OR6N2: variants seen among roughly 807,000 people sequenced by gnomAD.
OR6N2 encodes the protein olfactory receptor 6N2.
For synonymous variants in OR6N2, 160 were observed against 138.3 expected, an observed-to-expected ratio of 1.16 and a Z score of -1.10; for missense variants, 399 against 379.7, an observed-to-expected ratio of 1.05 and a Z score of -0.42.
In OR6N2 at chr1:158,776,640, T is replaced by G; in HGVS notation, c.*42A>C. 8.2e-7 allele frequency: 1 copy of G among 1,213,228 alleles called. No individual in the cohort carries two copies. Among genetic ancestry groups the G allele is most frequent in the South Asian group, 1.5e-5 (1 of 68,692 alleles). The allele number at this position is 1,213,228 out of a possible 1,614,324, so 75.2% of individuals were successfully genotyped here. A position where few individuals can be genotyped will look rare whatever the true frequency, so the allele number is the denominator to read the frequency against. ...ATGGGAAGATTACTCAAGGAACTTT[T>G]ATGAATTGAACATTGAGGTGAGAAA... On this transcript the variant is annotated 3_prime_UTR_variant, in exon 2 of 2. Coordinates refer to ENST00000641131, the MANE Select transcript of OR6N2 (RefSeq NM_001005278.2).
chr1:158,777,348 T>C lies in OR6N2; in HGVS notation c.288A>G (p.Gly96=). 1.2e-6 allele frequency: 2 copies of C among 1,614,208 alleles called. No individual in the cohort carries two copies. Among genetic ancestry groups the C allele is most frequent in the Non-Finnish European group, 8.5e-7 (1 of 1,180,034 alleles). The change falls in exon 2 of 2, where the codon GGA becomes GGG. Residue 96 remains glycine, a synonymous_variant. Transcript: ENST00000641131. ...GGAAGAAGTAGGTCTGAAGGAGGCA[T>C]CCTGCAAAAGAAATGGTTTTCTTCT... is the stretch of plus-strand genomic sequence containing the variant. The part of the protein sequence containing the change: ...LSEKKTISFA[G]CLLQTYFFHS...
chr1:158,776,629 C>A lies in OR6N2; in HGVS notation c.*53G>T. On this transcript the variant is annotated 3_prime_UTR_variant, in exon 2 of 2. Coordinates refer to ENST00000641131, the MANE Select transcript of OR6N2 (RefSeq NM_001005278.2). ...CATGTGTGATGATGGGAAGATTACT[C>A]AAGGAACTTTTATGAATTGAACATT... is the stretch of plus-strand genomic sequence containing the variant. The A allele has an allele frequency of 9.4e-7, 1 of 1,062,854 alleles. No homozygotes were observed. The highest frequency in any genetic ancestry group is 1.6e-5 in the South Asian group (1 of 63,222). 65.8% of individuals were successfully genotyped at this position (1,062,854 alleles called of 1,614,324 possible).
At chr1:158,778,213 G>A (rs138617536) in intron 1 of OR6N2, among the ~76,000 whole-genome samples, 3 of 152,302 alleles carry the variant, frequency 2.0e-5, no homozygotes, top group Non-Finnish European at 4.4e-5. Flanking sequence ...ACAAAATTCA[G>A]CAAGGTACAA....
intron 1 of OR6N2, among the ~76,000 whole-genome samples, 199 bp downstream of exon 1, chr1:158,780,971 T>C (rs971684751): frequency 6.6e-5 from 10 of 152,240 alleles, no homozygotes; most frequent in Admixed American, 6.5e-4. Context: ...GTGGACAAGA[T>C]GACCTTTAAA....
chr1:158,778,160 C>G (rs1168179612), intron 1 of OR6N2, among the ~76,000 whole-genome samples: 1 of 152,196 alleles, frequency 6.6e-6, no homozygotes, highest in African/African-American at 2.4e-5. Flanking sequence ...CAATTCACCT[C>G]TATAAACATT....
chr1:158,779,673 T>A (rs1310499489), intron 1 of OR6N2, among the ~76,000 whole-genome samples: 3 of 152,234 alleles, frequency 2.0e-5, no homozygotes, highest in Non-Finnish European at 4.4e-5. Flanking sequence ...GAGACAGATA[T>A]GTTAAAAAAA....
chr1:158,776,044 G>C lies in OR6N2; in HGVS notation c.*638C>G, dbSNP rs924270391. 2.0e-5 allele frequency: 3 copies of C among 151,644 alleles called. No homozygotes were observed. Among genetic ancestry groups the C allele is most frequent in the African/African-American group, 7.3e-5 (3 of 40,940 alleles). The allele number at this position is 151,644 out of a possible 1,614,324, so 9.4% of individuals were successfully genotyped here. ...ATAGAGATCATATTTAAATCCATAA[G>C]AATAACTCCGAGTATCTAGGGAGAT... On this transcript the variant is annotated 3_prime_UTR_variant, in exon 2 of 2. Coordinates refer to ENST00000641131, the MANE Select transcript of OR6N2 (RefSeq NM_001005278.2).
At chr1:158,778,127 G>A (rs548551366) in intron 1 of OR6N2, among the ~76,000 whole-genome samples, 6 of 152,156 alleles carry the variant, frequency 3.9e-5, no homozygotes, top group Non-Finnish European at 8.8e-5. Flanking sequence ...GATTAATGTA[G>A]TAGCAAATAT....
At position 158,776,818 on chromosome 1, in the gene OR6N2, G is replaced by C; in HGVS notation, c.818C>G (p.Thr273Arg). 2 of 1,614,118 alleles carry C rather than the reference G, an allele frequency of 1.2e-6. No individual in the cohort carries two copies. The highest frequency in any genetic ancestry group is 2.2e-5 in the South Asian group (2 of 91,078). The change falls in exon 2 of 2, where the codon ACA (threonine) becomes AGA (arginine). Residue 273 changes from threonine (T) to arginine (R), a missense_variant. By Grantham distance (71) the Thr-to-Arg change is moderately conservative. Coordinates refer to ENST00000641131, the MANE Select transcript of OR6N2 (RefSeq NM_001005278.2). ...TAGTACGGAGTAAACTATAGCAAGT[G>C]TTCGGTCAAGGGTCAGGGAATAGCT... ...KKSYSLTLDR[T>R]LAIVYSVLTP...
Position 158,776,685 on chromosome 1 carries a change from A to C in OR6N2, c.951T>G (p.Leu317=). Residue 317 remains leucine (L), a synonymous_variant, in exon 2 of 2, where the codon CTT becomes CTG. Coordinates refer to ENST00000641131, the MANE Select transcript of OR6N2 (RefSeq NM_001005278.2). ...GAGAAAGGACATGGGAAGAAAGTCA[A>C]AGATGAGCAAGACTAGCTTTATCTC... ...QKGDKASLAH[L] is the part of the protein sequence containing the mutation. The C allele has an allele frequency of 1.3e-6, 2 of 1,581,486 alleles. No homozygotes were observed. Among genetic ancestry groups the C allele is most frequent in the Non-Finnish European group, 1.7e-6 (2 of 1,158,798 alleles).
Position 158,777,565 on chromosome 1 carries a change from C to T in OR6N2, c.71G>A (p.Arg24Lys). 1 of 1,614,108 alleles carries T rather than the reference C, an allele frequency of 6.2e-7. No homozygotes were observed. Residue 24 changes from arginine (R) to lysine (K), a missense_variant, in exon 2 of 2, where the codon AGG becomes AAG. Physicochemically the swap from Arg to Lys is conservative, Grantham distance 26. Transcript: ENST00000641131. Reference protein sequence around the residue: ...FLGFASVGYVRGWLFVLLLLA... With the variant: ...FLGFASVGYVKGWLFVLLLLA... ...TAGCAGCAGGACAAAAAGCCAGCCC[C>T]TGACATAGCCCACACTGGCAAAGCC... is the stretch of plus-strand genomic sequence containing the variant.
At chr1:158,780,625 A>T (rs976155072) in intron 1 of OR6N2, among the ~76,000 whole-genome samples, 3 of 152,242 alleles carry the variant, frequency 2.0e-5, no homozygotes, top group African/African-American at 7.2e-5. Flanking sequence ...GGGCAAAATC[A>T]TCTAACACAA....
rs768829003 is a variant in OR6N2 at position 158,774,348 on chromosome 1, G to A, written c.*2334C>T. 2 of 152,192 alleles carry A rather than the reference G, an allele frequency of 1.3e-5. No individual in the cohort carries two copies. The highest frequency in any genetic ancestry group is 2.9e-5 in the Non-Finnish European group (2 of 68,030). The allele number at this position is 152,192 out of a possible 1,614,324, so 9.4% of individuals were successfully genotyped here. On this transcript the variant is annotated 3_prime_UTR_variant, in exon 2 of 2. Coordinates refer to ENST00000641131, the MANE Select transcript of OR6N2 (RefSeq NM_001005278.2). The stretch of plus-strand genomic sequence containing the variant: ...TCTCTACCTAGTTCATGAACCTGCT[G>A]AGATAAAACACACAACAAATCAAGA...
Position 158,776,895 on chromosome 1 carries a change from C to A in OR6N2, c.741G>T (p.Val247=), listed in dbSNP as rs139708565. Residue 247 remains valine (V), a synonymous_variant, in exon 2 of 2, where the codon GTG becomes GTT. Coordinates refer to ENST00000641131, the MANE Select transcript of OR6N2 (RefSeq NM_001005278.2). The stretch of plus-strand genomic sequence containing the variant: ...TGATGCTCCCAAAGAAGATGAGGAC[C>A]ACAGCAAGATGTGAGGCACAGGTAG... ...AFSTCASHLA[V]VLIFFGSIIF... 32 of 1,613,914 alleles carry A rather than the reference C, an allele frequency of 2.0e-5. No homozygotes were observed. Among genetic ancestry groups the A allele is most frequent in the East Asian group, 1.3e-4 (6 of 44,884 alleles).
chr1:158,778,313 A>G (rs921045398), intron 1 of OR6N2, among the ~76,000 whole-genome samples: 9 of 152,224 alleles, frequency 5.9e-5, no homozygotes, highest in African/African-American at 2.2e-4. Flanking sequence ...GTGCCTGAGA[A>G]GTGGCTCATT....
At position 158,777,609 on chromosome 1, in the gene OR6N2, C is replaced by T. The variant is rs765989141; in HGVS notation, c.27G>A (p.Leu9=). The T allele has an allele frequency of 1.2e-6, 2 of 1,613,578 alleles. No homozygotes were observed. The highest frequency in any genetic ancestry group is 1.7e-5 in the Admixed American group (1 of 60,004). ...CAAAGCCAAGGAACACAAATTCAGC[C>T]AGGCTTGAATGGTTGTATTGATCCA... MDQYNHSS[L]AEFVFLGFAS... Residue 9 remains leucine (L), a synonymous_variant, in exon 2 of 2, where the codon CTG becomes CTA. Transcript: ENST00000641131.
intron 1 of OR6N2, among the ~76,000 whole-genome samples, chr1:158,778,126 A>G (rs1017451738): frequency 6.6e-6 from 1 of 152,238 alleles, no homozygotes; most frequent in African/African-American, 2.4e-5. Context: ...AGATTAATGT[A>G]GTAGCAAATA....
chr1:158,775,587 T>A lies in OR6N2; in HGVS notation c.*1095A>T, dbSNP rs1054615709. On this transcript the variant is annotated 3_prime_UTR_variant, in exon 2 of 2. Transcript: ENST00000641131. ...ATTTCAAATACATTACTTTATATTT[T>A]ATGTGGAAAATATATTAGAATAGAA... is the stretch of plus-strand genomic sequence containing the variant. 4 of 152,328 alleles carry A rather than the reference T, an allele frequency of 2.6e-5. No individual in the cohort carries two copies. The highest frequency in any genetic ancestry group is 1.3e-4 in the Admixed American group (2 of 15,300). The allele number at this position is 152,328 out of a possible 1,614,324, so 9.4% of individuals were successfully genotyped here.
intron 1 of OR6N2, among the ~76,000 whole-genome samples, chr1:158,779,823 T>A (rs1486261433): frequency 6.6e-6 from 1 of 152,224 alleles, no homozygotes; most frequent in Admixed American, 6.5e-5. Flanking sequence ...AGAAAAAGAA[T>A]TATTTATTCA....
Sources: gnomAD v4.1 joint callset for allele counts (sites outside exome capture counted in the v4.1 genomes callset) on GRCh38, gnomAD v4.1.1 for gene constraint, MANE v1.5 for transcripts, NCBI Gene and HGNC (gene_info 2026-07-23, HGNC 2026-07-21) for gene names.